CEP63: variants seen among roughly 807,000 people sequenced by gnomAD.
The protein encoded by CEP63 is centrosomal protein of 63 kDa.
In CEP63, 84 loss-of-function variants were observed where a neutral mutation model predicts 89.1. The ratio of observed to expected loss-of-function variants is 0.94; its 90% confidence interval spans 0.79 to 1.13. CEP63 has a LOEUF of 1.13. CEP63 is among the 50% of genes most tolerant of loss of function. The probability of loss-of-function intolerance (pLI) is 0.00; values close to 1 mark genes in which losing one functional copy is unlikely to be tolerated. For synonymous variants in CEP63, 267 were observed against 272.5 expected, an observed-to-expected ratio of 0.98 and a Z score of 0.20; for missense variants, 838 against 813.3, an observed-to-expected ratio of 1.03 and a Z score of -0.37.
chr3:134,576,441 C>T (rs541229383), downstream of CEP63, among the ~76,000 whole-genome samples: 4 of 152,298 alleles, frequency 2.6e-5, no homozygotes, highest in East Asian at 3.9e-4. Flanking sequence ...CTGACAAGTG[C>T]GCATGGCAGT....
At chr3:134,515,333 A>G (rs765770179) in intron 3 of CEP63, among the ~76,000 whole-genome samples, 3 of 152,254 alleles carry the variant, frequency 2.0e-5, no homozygotes, top group Non-Finnish European at 4.4e-5. Context: ...AAATCAAAAT[A>G]GGTTTGTTAA....
At chr3:134,605,761 C>T in the CEP63 span, among the ~76,000 whole-genome samples, 13 of 152,010 alleles carry the variant, frequency 8.6e-5, no homozygotes, top group South Asian at 1.9e-3. Context: ...TTCCTAATAA[C>T]GAGGCCTCTC....
At chr3:134,517,034 C>T (rs1039044655) in intron 3 of CEP63, among the ~76,000 whole-genome samples, 6 of 152,180 alleles carry the variant, frequency 3.9e-5, no homozygotes, top group South Asian at 4.1e-4. Flanking sequence ...CTCAGAGAGA[C>T]GATTCTGAAA....
At chr3:134,503,100 CTT>C (rs34673408) in intron 2 of CEP63, among the ~76,000 whole-genome samples, 2 of 92,036 alleles carry the variant, frequency 2.2e-5, no homozygotes, top group African/African-American at 8.6e-5. Context: ...TGATTTCAAT[CTT>C]TTTTTTTTTT....
chr3:134,577,086 G>A (rs1958231984), downstream of CEP63, among the ~76,000 whole-genome samples: 1 of 152,170 alleles, frequency 6.6e-6, no homozygotes, highest in Non-Finnish European at 1.5e-5. Context: ...CCAGGAAAGG[G>A]AGTGGGGGCC....
chr3:134,559,627 T>C (rs1956981700), intron 14 of CEP63, among the ~76,000 whole-genome samples, 198 bp downstream of exon 14: 1 of 152,242 alleles, frequency 6.6e-6, no homozygotes, highest in Non-Finnish European at 1.5e-5. Flanking sequence ...TTCAAAATGT[T>C]CTGAAATATG....
At chr3:134,600,094 A>G in the CEP63 span, among the ~76,000 whole-genome samples, 93 of 152,354 alleles carry the variant, frequency 6.1e-4, no homozygotes, top group Middle Eastern at 3.4e-3. Context: ...TAGACCTAAG[A>G]TAAACTGAGG....
intron 10 of CEP63, among the ~76,000 whole-genome samples, chr3:134,580,866 G>C (rs1958329758): frequency 6.6e-6 from 1 of 152,204 alleles, no homozygotes; most frequent in African/African-American, 2.4e-5. Context: ...AAATTAAGGT[G>C]CCAAAGGGAA....
At chr3:134,747,935 G>A in the CEP63 span, among the ~76,000 whole-genome samples, 564 of 152,108 alleles carry the variant, frequency 3.7e-3, 3 homozygotes, top group Non-Finnish European at 4.0e-3. Flanking sequence ...ACAGGTGCCC[G>A]CCACCATGCC....
chr3:134,619,309 G>T, the CEP63 span: 1 of 1,480,958 alleles, frequency 6.8e-7, no homozygotes, highest in South Asian at 1.1e-5. Flanking sequence ...GAGCCTGGGA[G>T]GCGAGAAGAC....
chr3:134,617,646 G>A, the CEP63 span, among the ~76,000 whole-genome samples: 1 of 152,084 alleles, frequency 6.6e-6, no homozygotes, highest in Admixed American at 6.6e-5. Context: ...TACAATGAAT[G>A]GTATTTTTTA....
At chr3:134,488,466 G>T (rs1936444168) in intron 1 of CEP63, among the ~76,000 whole-genome samples, 1 of 151,936 alleles carries the variant, frequency 6.6e-6, no homozygotes, top group South Asian at 2.1e-4. Flanking sequence ...AAAATTAGCC[G>T]AGTGTGGTGG....
At chr3:134,733,917 A>G in the CEP63 span, among the ~76,000 whole-genome samples, 1 of 152,218 alleles carries the variant, frequency 6.6e-6, no homozygotes, top group Non-Finnish European at 1.5e-5. Flanking sequence ...GCTCAAATCC[A>G]AAAGCCAGAA....
At chr3:134,622,945 C>T in the CEP63 span, among the ~76,000 whole-genome samples, 1 of 152,214 alleles carries the variant, frequency 6.6e-6, no homozygotes, top group Non-Finnish European at 1.5e-5. Context: ...AGCACACTGG[C>T]ACTCTGACCT....
At chr3:134,543,266 G>A (rs1199737989) in intron 6 of CEP63, among the ~76,000 whole-genome samples, 2 of 151,840 alleles carry the variant, frequency 1.3e-5, no homozygotes, top group Admixed American at 1.3e-4. Flanking sequence ...TGTATTTTAC[G>A]GTTAAGAGCA....
chr3:134,524,634 A>G (rs1200941008), intron 3 of CEP63, among the ~76,000 whole-genome samples: 1 of 152,162 alleles, frequency 6.6e-6, no homozygotes, highest in African/African-American at 2.4e-5. Flanking sequence ...ATCTATTGAG[A>G]TAATCATGTG....
At chr3:134,584,640 C>A (rs1374878051) in intron 10 of CEP63, among the ~76,000 whole-genome samples, 1 of 152,026 alleles carries the variant, frequency 6.6e-6, no homozygotes, top group East Asian at 1.9e-4. Flanking sequence ...AAAATTCCCT[C>A]TTTCTTATTA....
the CEP63 span, among the ~76,000 whole-genome samples, chr3:134,601,820 G>C: frequency 1.3e-5 from 2 of 152,258 alleles, no homozygotes; most frequent in African/African-American, 4.8e-5. Context: ...GACTTTTAGG[G>C]GAGGGATCCC....
At chr3:134,727,008 T>C in the CEP63 span, among the ~76,000 whole-genome samples, 1 of 152,198 alleles carries the variant, frequency 6.6e-6, no homozygotes. Context: ...CTGTCCCCTG[T>C]CCCATTTCTC....
Sources: allele counts gnomAD v4.1 joint callset (sites outside exome capture counted in the v4.1 genomes callset), GRCh38; gene constraint gnomAD v4.1.1; transcripts MANE v1.5; gene names NCBI Gene and HGNC (gene_info 2026-07-23, HGNC 2026-07-21).